The following PCDHA6 variants were observed in gnomAD, a reference collection of about 807,000 sequenced individuals.
The protein encoded by PCDHA6 is protocadherin alpha-6.
Under a neutral mutation model 60.3 loss-of-function variants are expected in PCDHA6, and 55 were observed. The ratio of observed to expected loss-of-function variants is 0.91; its 90% CI spans 0.73 to 1.14. PCDHA6 has a LOEUF of 1.14. Among genes scored for constraint, PCDHA6 ranks in the 50% most tolerant of loss-of-function variants. The pLI is 0.00. For synonymous variants in PCDHA6, 652 were observed against 557.9 expected, an observed-to-expected ratio of 1.17 and a Z score of -2.38; for missense variants, 1,327 against 1,256.5, an observed-to-expected ratio of 1.06 and a Z score of -0.85.
At chr5:140,849,808 C>T (rs2150450895) in intron 1 of PCDHA6, 6 of 1,598,320 alleles carry the variant, frequency 3.8e-6, no homozygotes, top group South Asian at 1.1e-5. Flanking sequence ...CTGTGGGCCA[C>T]GGCCAGGGTG....
intron 1 of PCDHA6, chr5:140,881,320 A>G (rs186641452): frequency 3.0e-6 from 3 of 983,610 alleles, no homozygotes; most frequent in East Asian, 1.1e-4. Context: ...GTTAAATTCT[A>G]TTTAACCAGG....
chr5:140,843,651 C>T (rs2150364559), intron 1 of PCDHA6: 1 of 1,595,120 alleles, frequency 6.3e-7, no homozygotes, highest in Non-Finnish European at 8.6e-7. Flanking sequence ...CCCTGCCTTC[C>T]TCCTGATCTG....
intron 1 of PCDHA6, chr5:140,841,151 T>C (rs1777047208): frequency 1.2e-6 from 1 of 800,306 alleles, no homozygotes; most frequent in Admixed American, 3.0e-5. Flanking sequence ...GATGTCGCTG[T>C]CTACCAAGAA....
intron 1 of PCDHA6, among the ~76,000 whole-genome samples, chr5:140,907,922 G>T (rs1554193181): frequency 6.6e-6 from 1 of 152,174 alleles, no homozygotes; most frequent in Admixed American, 6.5e-5. Context: ...ACTCAGAGAG[G>T]TCCATTCACA....
chr5:140,836,723 A>G (rs1318584018), intron 1 of PCDHA6: 35 of 1,612,196 alleles, frequency 2.2e-5, no homozygotes, highest in Non-Finnish European at 2.9e-5. Flanking sequence ...CTCAGGGTCC[A>G]TCCTCTACAG....
At chr5:140,926,165 T>A (rs570168495) in intron 1 of PCDHA6, among the ~76,000 whole-genome samples, 31 of 151,794 alleles carry the variant, frequency 2.0e-4, no homozygotes, top group Admixed American at 1.5e-3. Flanking sequence ...TGCAGCAGGA[T>A]CCAGCGCGGA....
chr5:140,966,859 G>A, intron 1 of PCDHA6: 1 of 1,577,136 alleles, frequency 6.3e-7, no homozygotes. Flanking sequence ...TCCTGCTGCT[G>A]TTGCTGCTGC....
rs149179821 is a variant in PCDHA6 at position 141,012,224 on chromosome 5, C to T, written c.*2287C>T. 2 of 153,832 alleles carry T rather than the reference C, an allele frequency of 1.3e-5. No homozygotes were observed. Among genetic ancestry groups the T allele is most frequent in the East Asian group, 3.9e-4 (2 of 5,184 alleles). 9.5% of individuals were successfully genotyped at this position (153,832 alleles called of 1,614,324 possible). On this transcript the variant is annotated 3_prime_UTR_variant, in exon 4 of 4. Coordinates refer to ENST00000529310, the MANE Select transcript of PCDHA6 (RefSeq NM_018909.4). ...CTTTTTACATTTGCGAAGTGCTTTC[C>T]AATCCATGTTAGTTACTAGTTATTA...
chr5:140,850,353 A>G, intron 1 of PCDHA6: 1 of 1,597,852 alleles, frequency 6.3e-7, no homozygotes, highest in Non-Finnish European at 8.6e-7. Context: ...CAGCGCGAGC[A>G]TCCCGTTCCG....
intron 1 of PCDHA6, chr5:140,843,752 T>C: frequency 6.6e-7 from 1 of 1,516,544 alleles, no homozygotes; most frequent in South Asian, 1.2e-5. Context: ...TAAATTCTAT[T>C]TGTGGAAATT....
intron 1 of PCDHA6, among the ~76,000 whole-genome samples, chr5:140,959,874 A>G (rs1360001985): frequency 1.3e-5 from 2 of 152,236 alleles, no homozygotes; most frequent in Non-Finnish European, 2.9e-5. Flanking sequence ...AAATCTGTCA[A>G]GGAATACACG....
intron 1 of PCDHA6, chr5:140,842,811 G>A: frequency 6.3e-7 from 1 of 1,594,024 alleles, no homozygotes; most frequent in Non-Finnish European, 8.6e-7. Context: ...CTTGTGGAGC[G>A]GCGGGTGGGC....
chr5:140,884,460 C>A (rs782410675), intron 1 of PCDHA6: 72 of 1,613,614 alleles, frequency 4.5e-5, no homozygotes, highest in Non-Finnish European at 5.8e-5. Context: ...ACCGAGGGCG[C>A]GTGCGCGCCG....
chr5:140,971,922 G>A (rs1433994919), intron 1 of PCDHA6, among the ~76,000 whole-genome samples: 1 of 152,120 alleles, frequency 6.6e-6, no homozygotes, highest in Admixed American at 6.5e-5. Context: ...CACACTGCTA[G>A]TGTTATTTTA....
Position 141,011,605 on chromosome 5 carries a change from T to C in PCDHA6, c.*1668T>C, listed in dbSNP as rs971128266. On this transcript the variant is annotated 3_prime_UTR_variant, in exon 4 of 4. Coordinates refer to ENST00000529310, the MANE Select transcript of PCDHA6 (RefSeq NM_018909.4). The stretch of plus-strand genomic sequence containing the variant: ...AAGATACTGGTGATTCAAGGAATTT[T>C]ATTTATGGTCCAGCCAAGAGCCATC... 4 of 153,780 alleles carry C rather than the reference T, an allele frequency of 2.6e-5. No homozygotes were observed. Among genetic ancestry groups the C allele is most frequent in the Non-Finnish European group, 4.4e-5 (3 of 68,032 alleles). 9.5% of individuals were successfully genotyped at this position (153,780 alleles called of 1,614,324 possible). A position where few individuals can be genotyped will look rare whatever the true frequency, so the allele number is the denominator to read the frequency against.
chr5:140,849,845 C>G (rs2150453241), intron 1 of PCDHA6: 1 of 1,598,630 alleles, frequency 6.3e-7, no homozygotes, highest in East Asian at 2.2e-5. Context: ...ACGTGAACGA[C>G]AACGCACCAG....
chr5:140,853,250 TTCTC>T (rs2042687770), intron 1 of PCDHA6: 1 of 976,068 alleles, frequency 1.0e-6, no homozygotes, highest in Non-Finnish European at 1.2e-6. Context: ...TTAATCTCTA[TTCTC>T]TCTCAGAGTA....
At chr5:140,885,910 T>C (rs55634134) in intron 1 of PCDHA6, among the ~76,000 whole-genome samples, 4,308 of 152,302 alleles carry the variant, frequency 0.028, 189 homozygotes, top group African/African-American at 0.098. Context: ...CTGTACCTTA[T>C]AGATATTAAC....
chr5:140,889,561 C>A (rs1170749193), intron 1 of PCDHA6, among the ~76,000 whole-genome samples: 1 of 151,898 alleles, frequency 6.6e-6, no homozygotes, highest in African/African-American at 2.4e-5. Flanking sequence ...CTTCAGAATT[C>A]TGCTTTCTGA....
Sources: gnomAD v4.1 joint callset for allele counts (sites outside exome capture counted in the v4.1 genomes callset) on GRCh38, gnomAD v4.1.1 for gene constraint, MANE v1.5 for transcripts, NCBI Gene and HGNC (gene_info 2026-07-23, HGNC 2026-07-21) for gene names.